The following ZCCHC7 variants were observed in gnomAD, a reference collection of about 807,000 sequenced individuals.
ZCCHC7 encodes the protein zinc finger CCHC domain-containing protein 7.
In ZCCHC7, 35 loss-of-function variants were observed where a neutral mutation model predicts 52.0. That is an observed-to-expected ratio of 0.67 (90% CI 0.51 to 0.89). The LOEUF is 0.89. Among genes scored for constraint, ZCCHC7 ranks in the 40% least tolerant of loss-of-function variants. The probability of loss-of-function intolerance (pLI) is 0.00; values close to 1 mark genes in which losing one functional copy is unlikely to be tolerated. For missense variants in ZCCHC7, 574 were observed against 649.1 expected, an observed-to-expected ratio of 0.88 and a Z score of 1.26; for synonymous variants, 217 against 221.5, an observed-to-expected ratio of 0.98 and a Z score of 0.18.
At chr9:37,315,776 C>G (rs1034210862) in intron 5 of ZCCHC7, among the ~76,000 whole-genome samples, 1 of 145,880 alleles carries the variant, frequency 6.9e-6, no homozygotes, top group Non-Finnish European at 1.5e-5. Context: ...AATATTAAAC[C>G]TTTCTCTCTC....
chr9:37,258,987 C>A (rs1826735242), intron 2 of ZCCHC7, among the ~76,000 whole-genome samples: 1 of 151,908 alleles, frequency 6.6e-6, no homozygotes, highest in Non-Finnish European at 1.5e-5. Context: ...GGTTGGCTTT[C>A]AGGAAGCAGA....
Position 37,239,346 on chromosome 9 carries a change from TG to T in ZCCHC7, c.611-62840del, listed in dbSNP as rs199723165. The stretch of plus-strand genomic sequence containing the variant: ...GTTTAATATTGATTTTCCTTTTTGT[TG>T]GTATTAGATTCTTATTACAATGCGT... On this transcript the variant is annotated intron_variant, in intron 2 of 8. Transcript: ENST00000336755. 7.2e-4 allele frequency among the ~76,000 whole-genome samples: 109 copies of T among 152,288 alleles called. No individual in the cohort carries two copies. The East Asian group carries it at 0.016, about 23-fold the overall frequency.
chr9:37,202,155 G>T (rs552599117), intron 2 of ZCCHC7, among the ~76,000 whole-genome samples: 5 of 152,314 alleles, frequency 3.3e-5, no homozygotes, highest in African/African-American at 9.6e-5. Context: ...TTTGGATTCA[G>T]TTTGTATTAT....
intron 2 of ZCCHC7, among the ~76,000 whole-genome samples, chr9:37,246,168 G>C (rs192950765): frequency 8.7e-4 from 133 of 152,138 alleles, no homozygotes; most frequent in Non-Finnish European, 1.4e-3. Flanking sequence ...TGTTCTTCTG[G>C]ATAGTGAATA....
chr9:37,236,512 C>T (rs1263335315), intron 2 of ZCCHC7, among the ~76,000 whole-genome samples: 2 of 152,094 alleles, frequency 1.3e-5, no homozygotes, highest in African/African-American at 4.8e-5. Flanking sequence ...CTGCCTCAGC[C>T]TCCCGAGTAG....
intron 6 of ZCCHC7, among the ~76,000 whole-genome samples, chr9:37,338,297 G>A (rs551693841): frequency 6.6e-6 from 1 of 152,156 alleles, no homozygotes; most frequent in Admixed American, 6.5e-5. Context: ...TTGCATAGTG[G>A]TTAATGTTGT....
chr9:37,180,575 C>G (rs1405788930), intron 2 of ZCCHC7, among the ~76,000 whole-genome samples: 1 of 151,944 alleles, frequency 6.6e-6, no homozygotes, highest in African/African-American at 2.4e-5. Context: ...TTGAACATGC[C>G]ACTTATTTAT....
chr9:37,211,143 G>A (rs956828357), intron 2 of ZCCHC7, among the ~76,000 whole-genome samples: 11 of 152,218 alleles, frequency 7.2e-5, no homozygotes, highest in Non-Finnish European at 1.5e-4. Flanking sequence ...TGGGAATTAA[G>A]TGTTTCGCAT....
In ZCCHC7 at chr9:37,303,483, C is replaced by T. The variant is rs1025774097; in HGVS notation, c.655-705C>T. Among the ~76,000 whole-genome samples, 5 of 150,954 alleles carry T rather than the reference C, an allele frequency of 3.3e-5. No homozygotes were observed. The South Asian group carries it at 6.3e-4, about 19-fold the overall frequency. On this transcript the variant is annotated intron_variant, in intron 3 of 8. Coordinates refer to ENST00000336755, the MANE Select transcript of ZCCHC7 (RefSeq NM_032226.3). The stretch of plus-strand genomic sequence containing the variant: ...AGCAGTGGCTTTGACTGAATGCTAC[C>T]GCGGTGTCTAAGTGATGCATGTCAG...
At chr9:37,344,738 T>G in intron 6 of ZCCHC7, among the ~76,000 whole-genome samples, 1 of 150,580 alleles carries the variant, frequency 6.6e-6, no homozygotes, top group Admixed American at 6.6e-5. Context: ...GTTTGTGTAT[T>G]ATTGGCTCTA....
intron 2 of ZCCHC7, chr9:37,160,215 C>T (rs1821019703): frequency 6.6e-6 from 1 of 152,246 alleles, no homozygotes; most frequent in Non-Finnish European, 1.5e-5. Flanking sequence ...TCCATTCCCA[C>T]TTCTTCACTT....
intron 6 of ZCCHC7, among the ~76,000 whole-genome samples, chr9:37,348,435 A>C (rs1438719098): frequency 6.9e-6 from 1 of 144,622 alleles, no homozygotes; most frequent in East Asian, 2.0e-4. Context: ...GCTGGAGTGC[A>C]TTGGTGCGAT....
At chr9:37,294,631 G>A (rs1438292158) in intron 2 of ZCCHC7, among the ~76,000 whole-genome samples, 1 of 152,080 alleles carries the variant, frequency 6.6e-6, no homozygotes, top group Non-Finnish European at 1.5e-5. Flanking sequence ...TATAATGATA[G>A]TTCATTAAAT....
At chr9:37,272,214 C>G (rs535448174) in intron 2 of ZCCHC7, among the ~76,000 whole-genome samples, 5 of 152,222 alleles carry the variant, frequency 3.3e-5, no homozygotes, top group African/African-American at 1.2e-4. Flanking sequence ...AATCCCTTTA[C>G]TTTCATAAAT....
At chr9:37,270,161 A>G (rs1281895904) in intron 2 of ZCCHC7, among the ~76,000 whole-genome samples, 6 of 152,224 alleles carry the variant, frequency 3.9e-5, no homozygotes, top group Admixed American at 3.9e-4. Context: ...ATATATTATT[A>G]AAATTAATTT....
At chr9:37,253,788 A>T (rs1826444435) in intron 2 of ZCCHC7, among the ~76,000 whole-genome samples, 1 of 152,044 alleles carries the variant, frequency 6.6e-6, no homozygotes, top group Non-Finnish European at 1.5e-5. Flanking sequence ...TCACAAGTAT[A>T]GATATGAATG....
intron 2 of ZCCHC7, among the ~76,000 whole-genome samples, chr9:37,176,986 T>C (rs1822070431): frequency 6.6e-6 from 1 of 152,142 alleles, no homozygotes; most frequent in Non-Finnish European, 1.5e-5. Flanking sequence ...CCCCTGGAAA[T>C]ATGAGTAAAA....
rs1401527692 is a variant in ZCCHC7, at chr9:37,211,315, A to T, written c.610+84373A>T. 2.6e-5 allele frequency among the ~76,000 whole-genome samples: 4 copies of T among 152,262 alleles called. 1 individual carries two copies. In the East Asian group the frequency reaches 7.7e-4, roughly 29 times the overall value. Reference sequence around the variant, plus strand: ...AGTTTAAGTTTAGTGGGAGAGAGTGATTCAGCATACATATGGTTTTACTTG... The same window carrying T: ...AGTTTAAGTTTAGTGGGAGAGAGTGTTTCAGCATACATATGGTTTTACTTG... On this transcript the variant is annotated intron_variant, in intron 2 of 8. Coordinates refer to ENST00000336755, the MANE Select transcript of ZCCHC7 (RefSeq NM_032226.3).
Position 37,358,042 on chromosome 9 carries a change from T to A in ZCCHC7, c.*774T>A, listed in dbSNP as rs1821816254. 1 of 152,188 alleles carries A rather than the reference T, an allele frequency of 6.6e-6. No individual in the cohort carries two copies. The highest frequency in any genetic ancestry group is 1.5e-5 in the Non-Finnish European group (1 of 68,028). The allele number at this position is 152,188 out of a possible 1,614,324, so 9.4% of individuals were successfully genotyped here. On this transcript the variant is annotated 3_prime_UTR_variant, in exon 9 of 9. Coordinates refer to ENST00000336755, the MANE Select transcript of ZCCHC7 (RefSeq NM_032226.3). The stretch of plus-strand genomic sequence containing the variant: ...CAAAAAATTTTTTTGTTCTCTTGCA[T>A]TTTTTTCAACTACCGCAAAGCTATA...
Sources: allele counts gnomAD v4.1 joint callset (sites outside exome capture counted in the v4.1 genomes callset), GRCh38; gene constraint gnomAD v4.1.1; transcripts MANE v1.5; gene names NCBI Gene and HGNC (gene_info 2026-07-23, HGNC 2026-07-21).